The following CLCN7 variants were observed in gnomAD, a reference collection of about 807,000 sequenced individuals.
CLCN7 encodes the protein Cl-/H+ antiporter 7.
Under a neutral mutation model 102.1 loss-of-function variants are expected in CLCN7, and 60 were observed. The ratio of observed to expected loss-of-function variants is 0.59; its 90% CI spans 0.48 to 0.73. The LOEUF is 0.73. CLCN7 is among the 30% of genes least tolerant of loss of function. CLCN7 has a pLI of 0.00. For missense variants in CLCN7, 962 were observed against 1,125.7 expected, an observed-to-expected ratio of 0.85 and a Z score of 2.08; for synonymous variants, 560 against 490.5, an observed-to-expected ratio of 1.14 and a Z score of -1.87.
chr16:1,448,774 C>T lies in CLCN7; in HGVS notation c.1798-8G>A, dbSNP rs35915213. On this transcript the variant is annotated splice_region_variant and splice_polypyrimidine_tract_variant and intron_variant, in intron 19 of 24. Coordinates refer to ENST00000382745, the MANE Select transcript of CLCN7 (RefSeq NM_001287.6). ...GTGCATGTCGTACAGGCCCTGCGGG[C>T]GGGGCGGGAACACAGGGCTTGAGGA... The T allele has an allele frequency of 0.1, 162,004 of 1,609,752 alleles. 9,054 individuals carry two copies. The highest frequency in any genetic ancestry group is 0.13 in the African/African-American group (9,610 of 74,956).
At chr16:1,465,224 T>C (rs2038988441) in intron 2 of CLCN7, 43 bp downstream of exon 2, 1 of 1,577,864 alleles carries the variant, frequency 6.3e-7, no homozygotes, top group Non-Finnish European at 8.7e-7. Flanking sequence ...TCTGCTAAGA[T>C]GCAGCTAGCT....
intron 6 of CLCN7, among the ~76,000 whole-genome samples, chr16:1,459,982 A>C (rs1316533270): frequency 2.1e-5 from 3 of 146,316 alleles, no homozygotes; most frequent in Non-Finnish European, 4.5e-5. Flanking sequence ...AGGGGAGCTC[A>C]GCACACACGT....
At chr16:1,456,370 A>G (rs1175066936) in intron 9 of CLCN7, among the ~76,000 whole-genome samples, 164 bp from the exon 10 acceptor site, 1 of 152,212 alleles carries the variant, frequency 6.6e-6, no homozygotes, top group African/African-American at 2.4e-5. Flanking sequence ...GACCACGGCA[A>G]GAGACAGCAG....
chr16:1,474,820 C>A lies in CLCN7; in HGVS notation c.141+14G>T. On this transcript the variant is annotated intron_variant, in intron 1 of 24. Coordinates refer to ENST00000382745, the MANE Select transcript of CLCN7 (RefSeq NM_001287.6). ...AGGGCTCAGTTTCCCCGCCTGCGCC[C>A]TGCCCGGCCTCACCTGGCGCGCAGC... is the stretch of plus-strand genomic sequence containing the variant. The A allele has an allele frequency of 2.3e-6, 3 of 1,329,760 alleles. No homozygotes were observed. The highest frequency in any genetic ancestry group is 3.3e-5 in the Admixed American group (1 of 30,216). The allele number at this position is 1,329,760 out of a possible 1,614,324, so 82.4% of individuals were successfully genotyped here. A position where few individuals can be genotyped will look rare whatever the true frequency, so the allele number is the denominator to read the frequency against.
chr16:1,468,177 T>C (rs1449897420), intron 1 of CLCN7, among the ~76,000 whole-genome samples: 1 of 152,066 alleles, frequency 6.6e-6, no homozygotes, highest in Non-Finnish European at 1.5e-5. Context: ...GGCCACCGTC[T>C]ACACCACGAC....
intron 16 of CLCN7, 121 bp from the exon 17 acceptor site, chr16:1,450,787 C>G (rs565101755): frequency 2.4e-6 from 2 of 840,118 alleles, no homozygotes; most frequent in Admixed American, 6.5e-5. Flanking sequence ...CCTGAGCTCC[C>G]GAGCCCAGCG....
intron 12 of CLCN7, 98 bp from the exon 13 acceptor site, chr16:1,454,563 C>A: frequency 8.7e-7 from 1 of 1,154,300 alleles, no homozygotes; most frequent in Admixed American, 1.7e-5. Context: ...AGAGCTGTCC[C>A]CACAGAGAGC....
chr16:1,475,012 C>T lies in CLCN7; in HGVS notation c.-38G>A, dbSNP rs781168926. On this transcript the variant is annotated 5_prime_UTR_variant, in exon 1 of 25. Transcript: ENST00000382745. ...AGCGACACCGGCCGGGAAGCGCCGG[C>T]TGCCCCCGTGTTTGTTCTCGTGACC... 2 of 1,419,414 alleles carry T rather than the reference C, an allele frequency of 1.4e-6. No homozygotes were observed. The highest frequency in any genetic ancestry group is 2.5e-5 in the Admixed American group (1 of 40,078). 87.9% of individuals were successfully genotyped at this position (1,419,414 alleles called of 1,614,324 possible).
chr16:1,453,754 C>T, intron 14 of CLCN7, 80 bp downstream of exon 14: 1 of 1,346,750 alleles, frequency 7.4e-7, no homozygotes, highest in Non-Finnish European at 1.1e-6. Flanking sequence ...GGAGTGTAAA[C>T]CCCATTCCAC....
chr16:1,455,914 G>T, intron 10 of CLCN7, 119 bp from the exon 11 acceptor site: 1 of 1,192,342 alleles, frequency 8.4e-7, no homozygotes, highest in Non-Finnish European at 1.2e-6. Flanking sequence ...TAATGGGGTG[G>T]GCCCCAGCCA....
chr16:1,449,571 G>A (rs903212887), intron 17 of CLCN7: 4 of 591,888 alleles, frequency 6.8e-6, no homozygotes, highest in African/African-American at 5.6e-5. Flanking sequence ...AGGATGCAGA[G>A]GGCACAGTCA....
intron 24 of CLCN7, 129 bp from the exon 25 acceptor site, chr16:1,446,846 T>C: frequency 1.8e-6 from 2 of 1,112,536 alleles, no homozygotes; most frequent in Non-Finnish European, 2.7e-6. Context: ...GCCCCCGAGC[T>C]GAGCACGGGG....
rs115071340 is a variant in CLCN7, at chr16:1,460,799, C to T, written c.484+17G>A. ...CGCCCCCCTCCCAAGCTGCAGCGGC[C>T]GCACTGGGAAGGATACTGCCCTTGA... On this transcript the variant is annotated intron_variant, in intron 5 of 24. Transcript: ENST00000382745. The T allele has an allele frequency of 0.019, 31,357 of 1,613,870 alleles. 371 individuals carry two copies. Among genetic ancestry groups the T allele is most frequent in the African/African-American group, 0.032 (2,368 of 75,064 alleles).
intron 6 of CLCN7, among the ~76,000 whole-genome samples, chr16:1,460,097 C>G (rs1282411476): frequency 6.6e-6 from 1 of 151,858 alleles, no homozygotes; most frequent in Non-Finnish European, 1.5e-5. Flanking sequence ...AGACACAGAT[C>G]AAGGACGTGG....
intron 6 of CLCN7, among the ~76,000 whole-genome samples, chr16:1,459,959 G>A (rs898634935): frequency 6.5e-5 from 9 of 138,158 alleles, no homozygotes; most frequent in Non-Finnish European, 1.1e-4. Flanking sequence ...CACACACTTC[G>A]GGGCCCCAGG....
At chr16:1,467,161 A>T (rs1056093676) in intron 1 of CLCN7, among the ~76,000 whole-genome samples, 1 of 152,136 alleles carries the variant, frequency 6.6e-6, no homozygotes, top group Non-Finnish European at 1.5e-5. Flanking sequence ...GAGCACTCTC[A>T]GGCCATCCCC....
At chr16:1,465,904 A>C (rs566846378) in intron 1 of CLCN7, among the ~76,000 whole-genome samples, 1 of 152,314 alleles carries the variant, frequency 6.6e-6, no homozygotes, top group South Asian at 2.1e-4. Flanking sequence ...GGGGCAGGGC[A>C]GCGGGCCCTG....
chr16:1,447,254 C>A, intron 23 of CLCN7, 138 bp downstream of exon 23: 1 of 1,176,004 alleles, frequency 8.5e-7, no homozygotes, highest in Non-Finnish European at 1.2e-6. Context: ...CTAAAGCCTG[C>A]CAGGCCCTTC....
chr16:1,461,339 G>A (rs1180025608), intron 4 of CLCN7, 66 bp downstream of exon 4: 3 of 1,402,436 alleles, frequency 2.1e-6, no homozygotes, highest in Non-Finnish European at 3.0e-6. Flanking sequence ...CAGAAGAGCA[G>A]CCCCAGGCCC....
Sources: gnomAD v4.1 joint callset for allele counts (sites outside exome capture counted in the v4.1 genomes callset) on GRCh38, gnomAD v4.1.1 for gene constraint, MANE v1.5 for transcripts, NCBI Gene and HGNC (gene_info 2026-07-23, HGNC 2026-07-21) for gene names.